Variants in PRKG1 observed in about 807,000 individuals in gnomAD.
PRKG1 encodes the protein cGMP-dependent protein kinase 1.
PRKG1 carries 35 observed loss-of-function variants against 88.1 expected under a neutral mutation model. The observed-to-expected ratio is 0.40, with a 90% CI of 0.30 to 0.53. The LOEUF (loss-of-function observed/expected upper bound fraction) is 0.53. Ranked by LOEUF, PRKG1 falls within the 20% of genes least tolerant of loss-of-function variation. The pLI is 0.59. For missense variants in PRKG1, 540 were observed against 839.8 expected (o/e 0.64, Z 4.41); for synonymous variants, 303 against 292.5 (o/e 1.04, Z -0.37).
At chr10:51,834,259 A>G (rs755715835) in intron 4 of PRKG1, among the ~76,000 whole-genome samples, 12 of 152,102 alleles carry the variant, frequency 7.9e-5, no homozygotes, top group Non-Finnish European at 1.6e-4. Flanking sequence ...GCCCTCTAAC[A>G]TAAAATATTT....
At chr10:51,978,495 A>G (rs1200979885) in intron 5 of PRKG1, among the ~76,000 whole-genome samples, 1 of 149,998 alleles carries the variant, frequency 6.7e-6, no homozygotes, top group Non-Finnish European at 1.5e-5. Flanking sequence ...TAGTTCTGTG[A>G]AGAATGTCAT....
chr10:51,447,812 C>G (rs1019925112), intron 2 of PRKG1, among the ~76,000 whole-genome samples: 2 of 151,956 alleles, frequency 1.3e-5, no homozygotes, highest in African/African-American at 4.8e-5. Flanking sequence ...CTGCAACATG[C>G]CTGGGTGGAA....
At chr10:51,732,327 TAC>T (rs749226887) in intron 3 of PRKG1, among the ~76,000 whole-genome samples, 6 of 152,306 alleles carry the variant, frequency 3.9e-5, no homozygotes, top group Middle Eastern at 3.4e-3. Flanking sequence ...TGTCTCCACA[TAC>T]AGTCACAGTG....
intron 2 of PRKG1, among the ~76,000 whole-genome samples, chr10:51,247,839 A>T (rs1289677673): frequency 6.6e-6 from 1 of 151,682 alleles, no homozygotes; most frequent in East Asian, 1.9e-4. Flanking sequence ...TAAAAACTAA[A>T]TTGATTTTTT....
At chr10:51,368,738 A>G (rs1305030556) in intron 2 of PRKG1, among the ~76,000 whole-genome samples, 3 of 152,086 alleles carry the variant, frequency 2.0e-5, no homozygotes, top group Non-Finnish European at 4.4e-5. Flanking sequence ...GAAGAAAACA[A>G]TATGTATCAG....
At chr10:51,595,846 GT>G (rs1171669737) in intron 3 of PRKG1, among the ~76,000 whole-genome samples, 1 of 151,560 alleles carries the variant, frequency 6.6e-6, no homozygotes, top group Admixed American at 6.6e-5. Flanking sequence ...GTTTTGTTTT[GT>G]TTTTTGGAAT....
At chr10:51,760,776 C>A (rs1159694894) in intron 3 of PRKG1, among the ~76,000 whole-genome samples, 1 of 152,006 alleles carries the variant, frequency 6.6e-6, no homozygotes, top group Non-Finnish European at 1.5e-5. Context: ...CTGGCCAGAA[C>A]TTTTCAAAAA....
At chr10:51,681,074 A>G (rs755704881) in intron 3 of PRKG1, among the ~76,000 whole-genome samples, 10 of 152,210 alleles carry the variant, frequency 6.6e-5, no homozygotes, top group South Asian at 2.1e-4. Context: ...TAGTTGATCC[A>G]TTTATGGTTT....
At chr10:51,815,001 A>G (rs528915745) in intron 4 of PRKG1, among the ~76,000 whole-genome samples, 1 of 152,262 alleles carries the variant, frequency 6.6e-6, no homozygotes, top group East Asian at 1.9e-4. Context: ...AGTCCAAGAA[A>G]AGACTAAGTC....
At chr10:51,580,111 T>G (rs779553712) in intron 3 of PRKG1, among the ~76,000 whole-genome samples, 1 of 152,148 alleles carries the variant, frequency 6.6e-6, no homozygotes, top group Non-Finnish European at 1.5e-5. Flanking sequence ...TGTTTGTGAG[T>G]GTTCATGAGA....
At chr10:51,343,432 A>T (rs1449409478) in intron 2 of PRKG1, among the ~76,000 whole-genome samples, 1 of 152,140 alleles carries the variant, frequency 6.6e-6, no homozygotes, top group East Asian at 1.9e-4. Context: ...TGCAGTTTTG[A>T]CTGCCCAATG....
chr10:51,066,657 C>T (rs537543697), intron 1 of PRKG1, among the ~76,000 whole-genome samples: 21 of 152,012 alleles, frequency 1.4e-4, no homozygotes, highest in African/African-American at 4.8e-4. Flanking sequence ...TATATATTTA[C>T]CATTTATTTA....
Position 51,665,232 on chromosome 10 carries a change from C to A in PRKG1, c.593-139353C>A, listed in dbSNP as rs375317873. On this transcript the variant is annotated intron_variant, in intron 3 of 17. Coordinates refer to ENST00000373980, the MANE Select transcript of PRKG1 (RefSeq NM_006258.4). ...TTGCAGAGAAAAATTCTAAAGCAAA[C>A]ATTATAAAGAAACAAAAGTTGATTT... Among the ~76,000 whole-genome samples, 9 of 152,008 alleles carry A rather than the reference C, an allele frequency of 5.9e-5. No homozygotes were observed. In the East Asian group the frequency reaches 1.4e-3, roughly 23 times the overall value.
chr10:51,044,263 G>T (rs1278651624), intron 1 of PRKG1, among the ~76,000 whole-genome samples: 1 of 152,182 alleles, frequency 6.6e-6, no homozygotes. Context: ...GGGTAGATGA[G>T]CCTAAACTGG....
At chr10:51,306,207 G>A (rs996785744) in intron 2 of PRKG1, among the ~76,000 whole-genome samples, 1 of 152,110 alleles carries the variant, frequency 6.6e-6, no homozygotes. Context: ...CACTGGATAG[G>A]CTTGAGAGTA....
At chr10:51,701,876 A>G (rs762759021) in intron 3 of PRKG1, among the ~76,000 whole-genome samples, 18 of 152,156 alleles carry the variant, frequency 1.2e-4, no homozygotes, top group Admixed American at 3.9e-4. Flanking sequence ...ACCTTGAGCC[A>G]TGGCTTGTTA....
intron 9 of PRKG1, among the ~76,000 whole-genome samples, chr10:52,221,014 C>T (rs1302083060): frequency 1.3e-5 from 2 of 152,126 alleles, no homozygotes; most frequent in African/African-American, 2.4e-5. Context: ...TACACTCCCA[C>T]CAACAGTGTA....
chr10:51,610,727 T>C (rs1838884698), intron 3 of PRKG1, among the ~76,000 whole-genome samples: 1 of 152,094 alleles, frequency 6.6e-6, no homozygotes, highest in Admixed American at 6.6e-5. Context: ...AATGAATGAA[T>C]CATATCTTTT....
At chr10:51,413,439 A>C (rs1009718147) in intron 2 of PRKG1, among the ~76,000 whole-genome samples, 4 of 151,974 alleles carry the variant, frequency 2.6e-5, no homozygotes, top group African/African-American at 9.7e-5. Context: ...GATCACTGCA[A>C]CCTCTGCTTC....
Sources: gnomAD v4.1 joint callset for allele counts (sites outside exome capture counted in the v4.1 genomes callset) on GRCh38, gnomAD v4.1.1 for gene constraint, MANE v1.5 for transcripts, NCBI Gene and HGNC (gene_info 2026-07-23, HGNC 2026-07-21) for gene names.